Variants in TRIML1 observed in about 807,000 individuals in gnomAD.
TRIML1 encodes tripartite motif family like 1, also known as probable E3 ubiquitin-protein ligase TRIML1.
A neutral mutation model predicts 32.3 loss-of-function variants in TRIML1; 34 were observed. That is an observed-to-expected ratio of 1.05 (90% confidence interval 0.80 to 1.40). The LOEUF (loss-of-function observed/expected upper bound fraction) is 1.40. TRIML1 is among the 40% of genes most tolerant of loss of function. The pLI, the probability that TRIML1 is intolerant of heterozygous loss-of-function variation, is 0.00. For synonymous variants in TRIML1, 244 were observed against 226.6 expected (o/e 1.08, Z -0.69); for missense variants, 595 against 574.9 (o/e 1.03, Z -0.36).
At position 188,142,368 on chromosome 4, in the gene TRIML1, C is replaced by T. The variant is rs751374587; in HGVS notation, c.621C>T (p.Asn207=). The T allele has an allele frequency of 1.6e-5, 26 of 1,613,492 alleles. No homozygotes were observed. Among genetic ancestry groups the T allele is most frequent in the Middle Eastern group, 1.6e-4 (1 of 6,084 alleles). ...TACTAGAACAGGAAGAGAAAGAGAA[C>T]ATGAGGAAGCTGAGGAACAATGAGA... ...LQLLEQEEKE[N]MRKLRNNEIK... The change falls in exon 3 of 6, where the codon AAC becomes AAT. Residue 207 remains asparagine (N), a synonymous_variant. Coordinates refer to ENST00000332517, the MANE Select transcript of TRIML1 (RefSeq NM_178556.5).
intron 2 of TRIML1, among the ~76,000 whole-genome samples, chr4:188,141,431 G>T (rs534323076): frequency 3.3e-5 from 5 of 152,180 alleles, no homozygotes; most frequent in African/African-American, 1.2e-4. Context: ...CTCCCAAAGT[G>T]CTGGGATTAC....
chr4:188,137,293 GTCTT>G (rs1734686782), upstream of TRIML1, among the ~76,000 whole-genome samples: 1 of 117,206 alleles, frequency 8.5e-6, no homozygotes, highest in Non-Finnish European at 1.8e-5. Flanking sequence ...TGTTATTGTA[GTCTT>G]TTTTTTTTTT....
In TRIML1 at chr4:188,145,441, C is replaced by CAAAAAAAAAAAAA. The variant is rs869253721; in HGVS notation, c.856+1331_856+1343dup. On this transcript the variant is annotated intron_variant, in intron 5 of 5. Transcript: ENST00000332517. ...TGGGCGACAGAGCGAGACTCCGTCTCAAAAAAAAAAAAAAAAAAAAAAAAA... is the reference window on the plus strand; with the variant it reads ...TGGGCGACAGAGCGAGACTCCGTCTCAAAAAAAAAAAAAAAAAAAAAAAAAAAAAAAAAAAAAA... Among the ~76,000 whole-genome samples the CAAAAAAAAAAAAA allele has an allele frequency of 5.8e-4, 20 of 34,290 alleles. 1 individual carries two copies. The highest frequency in any genetic ancestry group is 6.7e-4 in the Non-Finnish European group (14 of 20,914). 22.5% of individuals were successfully genotyped at this position (34,290 alleles called of 152,430 possible). A position where few individuals can be genotyped will look rare whatever the true frequency, so the allele number is the denominator to read the frequency against.
intron 5 of TRIML1, among the ~76,000 whole-genome samples, chr4:188,145,265 G>A (rs976736616): frequency 3.4e-5 from 5 of 148,458 alleles, no homozygotes; most frequent in South Asian, 2.2e-4. Flanking sequence ...TGGTGAAACT[G>A]CGTCTCTGCT....
At position 188,145,461 on chromosome 4, in the gene TRIML1, AAAAAAAAAAAAAAAAG is replaced by A. The variant is rs1249659389; in HGVS notation, c.856+1329_856+1344del. On this transcript the variant is annotated intron_variant, in intron 5 of 5. Coordinates refer to ENST00000332517, the MANE Select transcript of TRIML1 (RefSeq NM_178556.5). ...CGTCTCAAAAAAAAAAAAAAAAAAA[AAAAAAAAAAAAAAAAG>A]TCAGAAATGGAATGACTGGGGTACC... 1.9e-3 allele frequency among the ~76,000 whole-genome samples: 97 copies of A among 50,416 alleles called. 2 individuals carry two copies. The highest frequency in any genetic ancestry group is 3.9e-3 in the Non-Finnish European group (67 of 17,180). 33.1% of individuals were successfully genotyped at this position (50,416 alleles called of 152,430 possible). A position where few individuals can be genotyped will look rare whatever the true frequency, so the allele number is the denominator to read the frequency against.
Position 188,146,959 on chromosome 4 carries a change from G to A in TRIML1, c.994G>A (p.Gly332Ser). 6.5e-7 allele frequency: 1 copy of A among 1,546,834 alleles called. No homozygotes were observed. The highest frequency in any genetic ancestry group is 1.3e-5 in the South Asian group (1 of 78,950). Residue 332 changes from glycine (G) to serine (S), a missense_variant, in exon 6 of 6, where the codon GGT (glycine) becomes AGT (serine). Physicochemically the swap from Gly to Ser is moderately conservative, Grantham distance 56. Coordinates refer to ENST00000332517, the MANE Select transcript of TRIML1 (RefSeq NM_178556.5). The stretch of plus-strand genomic sequence containing the variant: ...ATTTGACCAGTCTGCGACTGTGCTG[G>A]GTACTCAGATCTTCACCAGTGGGAG... ...ERFDQSATVL[G>S]TQIFTSGRHY...
At chr4:188,150,659 C>T (rs1180697476), downstream of TRIML1, among the ~76,000 whole-genome samples, 1 of 151,748 alleles carries the variant, frequency 6.6e-6, no homozygotes, top group Non-Finnish European at 1.5e-5. Context: ...TTCTTTGTCC[C>T]AAAGTGGTAG....
intron 5 of TRIML1, among the ~76,000 whole-genome samples, chr4:188,145,334 C>A (rs180795044): frequency 6.7e-6 from 1 of 150,012 alleles, no homozygotes; most frequent in African/African-American, 2.5e-5. Context: ...CCCAGCTACT[C>A]GGGAGGCCTA....
chr4:188,144,485 C>T (rs912183635), intron 5 of TRIML1, among the ~76,000 whole-genome samples: 1 of 140,514 alleles, frequency 7.1e-6, no homozygotes, highest in African/African-American at 2.5e-5. Flanking sequence ...GCCTCAGCCT[C>T]CCGAGTAGCT....
rs1421773649 is a variant in TRIML1, at chr4:188,143,839, A to C, written c.737A>C (p.Glu246Ala). Residue 246 changes from glutamate to alanine, a missense_variant and splice_region_variant, in exon 4 of 6, where the codon GAA (glutamate) becomes GCA (alanine). Coordinates refer to ENST00000332517, the MANE Select transcript of TRIML1 (RefSeq NM_178556.5). ...SQSSAFESLE[E>A]VRGALERSEP... The stretch of plus-strand genomic sequence containing the variant: ...AACTTCTTTCTTTTTTACCCGTAGG[A>C]AGTGAGAGGAGCCCTGGAAAGGTAG... The C allele has an allele frequency of 6.2e-7, 1 of 1,613,982 alleles. No individual in the cohort carries two copies. The highest frequency in any genetic ancestry group is 1.7e-5 in the Admixed American group (1 of 59,990).
rs759663756 is a variant in TRIML1, at chr4:188,139,913, A to G, written c.355A>G (p.Ser119Gly). 3 of 1,613,734 alleles carry G rather than the reference A, an allele frequency of 1.9e-6. No homozygotes were observed. Among genetic ancestry groups the G allele is most frequent in the Non-Finnish European group, 2.5e-6 (3 of 1,179,980 alleles). Residue 119 changes from serine to glycine, a missense_variant, in exon 1 of 6, where the codon AGC becomes GGC. Ser to Gly is a moderately conservative substitution (Grantham distance 56). Coordinates refer to ENST00000332517, the MANE Select transcript of TRIML1 (RefSeq NM_178556.5). The part of the protein sequence containing the change: ...EQGGSAFVAQ[S>G]HGANRVHLSS... ...GGGTGGAAGCGCCTTCGTAGCCCAG[A>G]GCCATGGTGCAAACAGAGTGCATCT...
chr4:188,149,247 C>G (rs1324816065), downstream of TRIML1, among the ~76,000 whole-genome samples: 1 of 151,958 alleles, frequency 6.6e-6, no homozygotes, highest in East Asian at 1.9e-4. Context: ...GGAATGTTCC[C>G]TTGCTAGTAC....
At position 188,142,231 on chromosome 4, in the gene TRIML1, T is replaced by C. The variant is rs753349794; in HGVS notation, c.505-21T>C. The C allele has an allele frequency of 5.5e-5, 79 of 1,436,942 alleles. No individual in the cohort carries two copies. The African/African-American group carries it at 1.1e-3, about 21-fold the overall frequency. 89.0% of individuals were successfully genotyped at this position (1,436,942 alleles called of 1,614,324 possible). On this transcript the variant is annotated intron_variant, in intron 2 of 5. Transcript: ENST00000332517. The stretch of plus-strand genomic sequence containing the variant: ...TCGTGTGTGTGTGTGTGTGTGTGTG[T>C]GTGTGTGTGTGTTTTGGCAGGAAGA...
At chr4:188,145,176 G>A (rs762143078) in intron 5 of TRIML1, among the ~76,000 whole-genome samples, 7 of 151,986 alleles carry the variant, frequency 4.6e-5, no homozygotes, top group African/African-American at 1.7e-4. Flanking sequence ...GGTGGCTCAC[G>A]CTTGTAATCC....
chr4:188,150,044 T>G (rs1180936211), downstream of TRIML1, among the ~76,000 whole-genome samples: 1 of 152,080 alleles, frequency 6.6e-6, no homozygotes, highest in South Asian at 2.1e-4. Context: ...GACCTCCTGA[T>G]CCGCCCACCT....
At chr4:188,148,574 C>G (rs758854259), downstream of TRIML1, among the ~76,000 whole-genome samples, 3 of 151,940 alleles carry the variant, frequency 2.0e-5, no homozygotes, top group Non-Finnish European at 2.9e-5. Flanking sequence ...GCATTAGGCT[C>G]GCTGTCTTTA....
chr4:188,139,551 T>A lies in TRIML1; in HGVS notation c.-8T>A. ...GTGTAACCTGGCTGCATATCCAGCC[T>A]CGAGAAAATGTCTACAGCAGATCTG... On this transcript the variant is annotated 5_prime_UTR_variant, in exon 1 of 6. Transcript: ENST00000332517. The A allele has an allele frequency of 6.4e-7, 1 of 1,559,132 alleles. No homozygotes were observed. Among genetic ancestry groups the A allele is most frequent in the Non-Finnish European group, 8.7e-7 (1 of 1,149,816 alleles).
At chr4:188,145,459 AAAAAAAAAAAAAAAAAAG>A (rs1473044330) in intron 5 of TRIML1, among the ~76,000 whole-genome samples, 794 of 50,716 alleles carry the variant, frequency 0.016, 35 homozygotes, top group African/African-American at 0.026. Context: ...AAAAAAAAAA[AAAAAAAAAAAAAAAAAAG>A]TCAGAAATGG....
At chr4:188,145,662 A>G (rs1474495961) in intron 5 of TRIML1, among the ~76,000 whole-genome samples, 1 of 151,640 alleles carries the variant, frequency 6.6e-6, no homozygotes, top group Non-Finnish European at 1.5e-5. Flanking sequence ...ATCTCTACTA[A>G]AAATACAAAA....
Sources: gnomAD v4.1 joint callset for allele counts (sites outside exome capture counted in the v4.1 genomes callset) on GRCh38, gnomAD v4.1.1 for gene constraint, MANE v1.5 for transcripts, NCBI Gene and HGNC (gene_info 2026-07-23, HGNC 2026-07-21) for gene names.